DLGAP1: variants seen among roughly 807,000 people sequenced by gnomAD.
DLGAP1 encodes the protein DLG associated protein 1.
Under a neutral mutation model 90.8 loss-of-function variants are expected in DLGAP1, and 11 were observed. The observed-to-expected ratio is 0.12, with a 90% CI of 0.08 to 0.20. DLGAP1 has a LOEUF of 0.20. Ranked by LOEUF, DLGAP1 falls within the 10% of genes least tolerant of loss-of-function variation. The pLI, the probability that DLGAP1 is intolerant of heterozygous loss-of-function variation, is 1.00. For missense variants in DLGAP1, 1,050 were observed against 1,333.8 expected (o/e 0.79, Z 3.31); for synonymous variants, 558 against 540.7 (o/e 1.03, Z -0.44).
At chr18:3,956,238 AT>A (rs1406397871) in intron 3 of DLGAP1, among the ~76,000 whole-genome samples, 2 of 152,240 alleles carry the variant, frequency 1.3e-5, no homozygotes, top group African/African-American at 4.8e-5. Flanking sequence ...CACAGGAGCA[AT>A]GAAAGTGAGA....
At chr18:3,871,459 T>G (rs1479157707) in intron 4 of DLGAP1, among the ~76,000 whole-genome samples, 1 of 152,186 alleles carries the variant, frequency 6.6e-6, no homozygotes, top group Non-Finnish European at 1.5e-5. Flanking sequence ...TCTCGGAGAA[T>G]TAAATCAGGG....
chr18:4,233,474 T>TAG (rs908245050), intron 1 of DLGAP1, among the ~76,000 whole-genome samples: 1 of 152,186 alleles, frequency 6.6e-6, no homozygotes, highest in Admixed American at 6.5e-5. Context: ...AGAGGTGAGG[T>TAG]GCCTTCTCAT....
At chr18:4,419,891 G>A (rs2082989609) in intron 1 of DLGAP1, among the ~76,000 whole-genome samples, 1 of 152,004 alleles carries the variant, frequency 6.6e-6, no homozygotes, top group African/African-American at 2.4e-5. Flanking sequence ...AGCTAACATA[G>A]AAGGCCAAAA....
chr18:3,771,374 T>C (rs1412456586), intron 5 of DLGAP1: 3 of 152,302 alleles, frequency 2.0e-5, no homozygotes, highest in African/African-American at 7.2e-5. Flanking sequence ...GTCCCACTCC[T>C]TCCTGCGCCC....
chr18:3,798,240 C>T (rs757180781), intron 5 of DLGAP1, among the ~76,000 whole-genome samples: 38 of 152,186 alleles, frequency 2.5e-4, no homozygotes, highest in Non-Finnish European at 5.1e-4. Flanking sequence ...CAGTGAAACG[C>T]TTCCAACAGA....
intron 4 of DLGAP1, among the ~76,000 whole-genome samples, chr18:3,847,724 C>A (rs937429613): frequency 6.6e-6 from 1 of 151,972 alleles, no homozygotes; most frequent in Non-Finnish European, 1.5e-5. Context: ...TTGAAGTATT[C>A]CAATGAAAGA....
intron 1 of DLGAP1, chr18:4,295,371 T>C (rs1235196715): frequency 6.6e-6 from 1 of 152,220 alleles, no homozygotes; most frequent in Admixed American, 6.5e-5. Flanking sequence ...CTGTGCAAGA[T>C]TCTTAGATGG....
chr18:3,816,646 C>A (rs1202335905), intron 4 of DLGAP1, among the ~76,000 whole-genome samples: 1 of 152,114 alleles, frequency 6.6e-6, no homozygotes, highest in Non-Finnish European at 1.5e-5. Context: ...TTTTAAATGT[C>A]AGCTCATTTG....
At chr18:4,019,186 C>T (rs1241322711) in intron 2 of DLGAP1, among the ~76,000 whole-genome samples, 1 of 152,144 alleles carries the variant, frequency 6.6e-6, no homozygotes, top group African/African-American at 2.4e-5. Flanking sequence ...CATCTTGCAG[C>T]CAGCCGTCTA....
intron 3 of DLGAP1, chr18:3,885,577 G>T (rs1216182800): frequency 3.9e-5 from 6 of 152,228 alleles, no homozygotes; most frequent in Admixed American, 3.9e-4. Flanking sequence ...AATAGAGAGG[G>T]AAATTGCCTT....
At chr18:4,147,112 A>G (rs2076597546) in intron 2 of DLGAP1, among the ~76,000 whole-genome samples, 1 of 152,218 alleles carries the variant, frequency 6.6e-6, no homozygotes, top group Admixed American at 6.5e-5. Flanking sequence ...ACCAGAAAGC[A>G]TAATTGTCCT....
chr18:3,921,031 C>A (rs1357820745), intron 3 of DLGAP1, among the ~76,000 whole-genome samples: 1 of 152,060 alleles, frequency 6.6e-6, no homozygotes, highest in Non-Finnish European at 1.5e-5. Flanking sequence ...ACAACATGGC[C>A]AAAGGGATTA....
chr18:3,580,418 T>C (rs2055422948), intron 8 of DLGAP1: 29 of 1,613,502 alleles, frequency 1.8e-5, no homozygotes, highest in Non-Finnish European at 1.9e-5. Context: ...CACAGCCCAA[T>C]GTCTCCTCTG....
At chr18:4,425,430 G>A (rs147626921) in intron 1 of DLGAP1, among the ~76,000 whole-genome samples, 7 of 152,284 alleles carry the variant, frequency 4.6e-5, no homozygotes, top group South Asian at 4.1e-4. Context: ...AGGGACTGGC[G>A]TAGTGGTACA....
intron 3 of DLGAP1, among the ~76,000 whole-genome samples, chr18:3,919,516 A>G (rs570799956): frequency 1.3e-4 from 20 of 152,320 alleles, no homozygotes; most frequent in Non-Finnish European, 2.2e-4. Flanking sequence ...TCCCAGAGCC[A>G]TAGTACTACT....
chr18:3,804,130 G>T (rs920088662), intron 5 of DLGAP1, among the ~76,000 whole-genome samples: 1 of 151,502 alleles, frequency 6.6e-6, no homozygotes, highest in African/African-American at 2.4e-5. Context: ...GATCACAGGC[G>T]CACGCCACCA....
At chr18:3,663,100 C>T (rs1167020021) in intron 7 of DLGAP1, among the ~76,000 whole-genome samples, 11 of 151,928 alleles carry the variant, frequency 7.2e-5, no homozygotes, top group African/African-American at 1.7e-4. Context: ...GGTGAAACCC[C>T]GTCTCTACTA....
intron 3 of DLGAP1, among the ~76,000 whole-genome samples, chr18:3,938,966 C>A (rs2072704413): frequency 6.6e-6 from 1 of 152,180 alleles, no homozygotes; most frequent in South Asian, 2.1e-4. Context: ...TATGTATACA[C>A]TATGTTCATC....
chr18:4,212,122 A>G (rs1442688625), intron 1 of DLGAP1, among the ~76,000 whole-genome samples: 2 of 152,142 alleles, frequency 1.3e-5, no homozygotes, highest in African/African-American at 4.8e-5. Context: ...CACAGGTCAA[A>G]TTGTACATTA....
Sources: gnomAD v4.1 joint callset for allele counts (sites outside exome capture counted in the v4.1 genomes callset) on GRCh38, gnomAD v4.1.1 for gene constraint, MANE v1.5 for transcripts, NCBI Gene and HGNC (gene_info 2026-07-23, HGNC 2026-07-21) for gene names.